RBM28: variants seen among roughly 807,000 people sequenced by gnomAD.
The protein encoded by RBM28 is RNA binding motif protein 28.
In RBM28, 78 loss-of-function variants were observed where a neutral mutation model predicts 98.3. That is an observed-to-expected ratio of 0.79 (90% CI 0.66 to 0.96). The LOEUF is 0.96. RBM28 is among the 40% of genes least tolerant of loss of function. The pLI is 0.00. For synonymous variants in RBM28, 306 were observed against 330.9 expected (o/e 0.92, Z 0.82); for missense variants, 838 against 913.0 (o/e 0.92, Z 1.06).
intron 18 of RBM28, among the ~76,000 whole-genome samples, chr7:128,312,239 T>A (rs917989383): frequency 6.6e-6 from 1 of 152,164 alleles, no homozygotes; most frequent in Non-Finnish European, 1.5e-5. Context: ...GTCAACATGG[T>A]GAAACCCCGT....
chr7:128,333,414 G>T, intron 8 of RBM28, 52 bp from the exon 9 acceptor site: 1 of 1,402,860 alleles, frequency 7.1e-7, no homozygotes, highest in Non-Finnish European at 1.0e-6. Flanking sequence ...TAAGCCACAT[G>T]ACAAAGAGCT....
At position 128,308,315 on chromosome 7, in the gene RBM28, G is replaced by C. The variant is rs550661366; in HGVS notation, c.*2482C>G. 1 of 152,292 alleles carries C rather than the reference G, an allele frequency of 6.6e-6. No individual in the cohort carries two copies. The highest frequency in any genetic ancestry group is 2.4e-5 in the African/African-American group (1 of 41,550). The allele number at this position is 152,292 out of a possible 1,614,324, so 9.4% of individuals were successfully genotyped here. On this transcript the variant is annotated 3_prime_UTR_variant, in exon 19 of 19. Transcript: ENST00000223073. ...TGTTATCTGAATGAACACCAATTTT[G>C]ATCTATCCTAAGTGTTAAGATATAT... is the stretch of plus-strand genomic sequence containing the variant.
rs765309812 is a variant in RBM28 at position 128,323,555 on chromosome 7, C to T, written c.1376G>A (p.Ser459Asn). Residue 459 changes from serine to asparagine, a missense_variant, in exon 13 of 19, where the codon AGT (serine) becomes AAT (asparagine). Coordinates refer to ENST00000223073, the MANE Select transcript of RBM28 (RefSeq NM_018077.3). ...RAGTKAAEGVSAADMAKRERF... is the reference protein window; with the variant it reads ...RAGTKAAEGVNAADMAKRERF... ...TTCTCTTTTGGCCATATCAGCAGCA[C>T]TCACACCCTCTGCAGCCTTCGTCCC... 3 of 1,614,136 alleles carry T rather than the reference C, an allele frequency of 1.9e-6. No individual in the cohort carries two copies. The highest frequency in any genetic ancestry group is 2.5e-6 in the Non-Finnish European group (3 of 1,180,048).
intron 6 of RBM28, among the ~76,000 whole-genome samples, chr7:128,336,560 C>A (rs1339376542): frequency 2.0e-5 from 3 of 152,222 alleles, no homozygotes; most frequent in Admixed American, 6.5e-5. Context: ...GGCTCACTCA[C>A]AGCCACTCCC....
intron 1 of RBM28, among the ~76,000 whole-genome samples, chr7:128,342,871 T>A (rs931644217): frequency 6.6e-6 from 1 of 152,164 alleles, no homozygotes; most frequent in African/African-American, 2.4e-5. Context: ...CGGAGAGGCA[T>A]GTGTTCACTC....
At position 128,320,159 on chromosome 7, in the gene RBM28, T is replaced by C. The variant is rs764631247; in HGVS notation, c.1563+1107A>G. Among the ~76,000 whole-genome samples, 23 of 148,156 alleles carry C rather than the reference T, an allele frequency of 1.6e-4. 1 individual carries two copies. The highest frequency in any genetic ancestry group is 3.0e-4 in the Non-Finnish European group (20 of 67,222). On this transcript the variant is annotated intron_variant, in intron 14 of 18. Coordinates refer to ENST00000223073, the MANE Select transcript of RBM28 (RefSeq NM_018077.3). ...TTGAACCCGGGAGGCGGAGGTTGCG[T>C]TGAGCCGAGATCATGCCACTGCACT...
chr7:128,342,187 C>G (rs919156730), intron 1 of RBM28, among the ~76,000 whole-genome samples: 3 of 152,112 alleles, frequency 2.0e-5, no homozygotes, highest in African/African-American at 7.2e-5. Flanking sequence ...AAAACAAACT[C>G]TAGTCATGAC....
chr7:128,312,285 C>T (rs561785867), intron 18 of RBM28, among the ~76,000 whole-genome samples: 113 of 152,238 alleles, frequency 7.4e-4, no homozygotes, highest in Non-Finnish European at 1.0e-3. Flanking sequence ...GGCATGGTGG[C>T]GCATGCCTGT....
intron 12 of RBM28, 96 bp downstream of exon 12, chr7:128,324,463 T>C: frequency 6.4e-7 from 1 of 1,568,148 alleles, no homozygotes. Flanking sequence ...TTTGGGTTTT[T>C]AATTTGAAAC....
At position 128,318,069 on chromosome 7, in the gene RBM28, T is replaced by A; in HGVS notation, c.1601A>T (p.Asn534Ile). The A allele has an allele frequency of 6.2e-7, 1 of 1,613,574 alleles. No homozygotes were observed. Among genetic ancestry groups the A allele is most frequent in the Middle Eastern group, 1.7e-4 (1 of 6,060 alleles). Residue 534 changes from asparagine to isoleucine, a missense_variant, in exon 15 of 19, where the codon AAC becomes ATC. Physicochemically the swap from Asn to Ile is moderately radical, Grantham distance 149. Transcript: ENST00000223073. ...VMRDLKGVHG[N>I]MKGQSLGYAF... ...GTAGCCCAGGGACTGACCCTTCATG[T>A]TCCCATGAACTCCTTTGAGGTCTCG...
chr7:128,333,615 G>C (rs190306159), intron 8 of RBM28, among the ~76,000 whole-genome samples: 1 of 152,186 alleles, frequency 6.6e-6, no homozygotes, highest in African/African-American at 2.4e-5. Flanking sequence ...CTACTCAGGA[G>C]GCTGAGGCAG....
chr7:128,302,067 G>T lies in RBM28; in HGVS notation c.*8730C>A, dbSNP rs1162305994. The T allele has an allele frequency of 6.6e-6, 1 of 152,152 alleles. No homozygotes were observed. The highest frequency in any genetic ancestry group is 1.5e-5 in the Non-Finnish European group (1 of 68,044). 9.4% of individuals were successfully genotyped at this position (152,152 alleles called of 1,614,324 possible). On this transcript the variant is annotated 3_prime_UTR_variant, in exon 19 of 19. Coordinates refer to ENST00000223073, the MANE Select transcript of RBM28 (RefSeq NM_018077.3). ...TTCTGGGCCTCTGGGCCAGAGACAG[G>T]CATTTTACTTGATGCGATCATCCTC...
intron 16 of RBM28, among the ~76,000 whole-genome samples, chr7:128,317,295 C>A (rs889838580): frequency 1.1e-4 from 17 of 152,196 alleles, no homozygotes; most frequent in Admixed American, 2.0e-4. Context: ...AGGCTTCACA[C>A]TTCTGGAGCC....
chr7:128,333,608 C>T (rs1796533664), intron 8 of RBM28, among the ~76,000 whole-genome samples: 1 of 152,182 alleles, frequency 6.6e-6, no homozygotes, highest in Non-Finnish European at 1.5e-5. Flanking sequence ...GTCCCAGCTA[C>T]TCAGGAGGCT....
In RBM28 at chr7:128,332,377, A is replaced by G. The variant is rs990823931; in HGVS notation, c.1019+913T>C. On this transcript the variant is annotated intron_variant, in intron 9 of 18. Coordinates refer to ENST00000223073, the MANE Select transcript of RBM28 (RefSeq NM_018077.3). ...ACAAATTTTTTTTTTTTTTTAAGAC[A>G]GAGTCTTGCTCTGTCGCCCAGGCTG... Among the ~76,000 whole-genome samples, 40 of 151,498 alleles carry G rather than the reference A, an allele frequency of 2.6e-4. 1 individual carries two copies. Among genetic ancestry groups the G allele is most frequent in the Non-Finnish European group, 3.5e-4 (24 of 67,862 alleles).
intron 15 of RBM28, 47 bp from the exon 16 acceptor site, chr7:128,317,780 G>A (rs1796136094): frequency 6.7e-7 from 1 of 1,497,064 alleles, no homozygotes; most frequent in Non-Finnish European, 9.3e-7. Flanking sequence ...CTTAATCTGT[G>A]CATGCAATGA....
At chr7:128,341,037 GT>G in intron 1 of RBM28, 1 of 822,948 alleles carries the variant, frequency 1.2e-6, no homozygotes. Context: ...GCCCTTTTTG[GT>G]TTAACATTTT....
intron 13 of RBM28, 67 bp downstream of exon 13, chr7:128,323,460 T>A (rs1796279813): frequency 1.3e-6 from 2 of 1,571,996 alleles, no homozygotes; most frequent in Non-Finnish European, 1.8e-6. Flanking sequence ...CATCTAGCAT[T>A]CGATAACTAT....
chr7:128,316,273 C>T (rs549272163), intron 16 of RBM28, among the ~76,000 whole-genome samples: 4 of 152,100 alleles, frequency 2.6e-5, no homozygotes, highest in Admixed American at 1.3e-4. Context: ...GTAAAGAGGG[C>T]CTTATATCTT....
Sources: allele counts gnomAD v4.1 joint callset (sites outside exome capture counted in the v4.1 genomes callset), GRCh38; gene constraint gnomAD v4.1.1; transcripts MANE v1.5; gene names NCBI Gene and HGNC (gene_info 2026-07-23, HGNC 2026-07-21).